ERC2: variants seen among roughly 807,000 people sequenced by gnomAD.
ERC2 encodes ELKS/RAB6-interacting/CAST family member 2, also known as ERC protein 2.
In ERC2, 42 loss-of-function variants were observed where a neutral mutation model predicts 114.8. That is an observed-to-expected ratio of 0.37 (90% CI 0.29 to 0.47). The LOEUF is 0.47. Among genes scored for constraint, ERC2 ranks in the 20% least tolerant of loss-of-function variants. The pLI is 0.99. For synonymous variants in ERC2, 454 were observed against 425.5 expected (o/e 1.07, Z -0.82); for missense variants, 939 against 1,150.7 (o/e 0.82, Z 2.66).
intron 17 of ERC2, among the ~76,000 whole-genome samples, chr3:55,549,774 G>A (rs1040913697): frequency 2.0e-5 from 3 of 152,008 alleles, no homozygotes; most frequent in African/African-American, 7.2e-5. Context: ...TTAATGCACA[G>A]GGCCCTGTCC....
Position 56,460,195 on chromosome 3 carries a change from G to C in ERC2, c.-141+8053C>G, listed in dbSNP as rs76208989. On this transcript the variant is annotated intron_variant, in intron 1 of 17. Coordinates refer to ENST00000288221, the MANE Select transcript of ERC2 (RefSeq NM_015576.3). The stretch of plus-strand genomic sequence containing the variant: ...AAGGCTCGGCCCTGGCTGTGAAAGT[G>C]AGACAGCTTAGAGCTCCTGGTGCTT... 7.1e-4 allele frequency among the ~76,000 whole-genome samples: 108 copies of C among 152,356 alleles called. No individual in the cohort carries two copies. In the East Asian group the frequency reaches 0.018, roughly 25 times the overall value.
intron 17 of ERC2, among the ~76,000 whole-genome samples, chr3:55,524,788 AAGAG>A (rs991489498): frequency 4.6e-5 from 7 of 151,854 alleles, no homozygotes; most frequent in South Asian, 2.1e-4. Flanking sequence ...ACAATGAAAA[AAGAG>A]AGAGAGAGAG....
At chr3:55,627,937 A>T in intron 17 of ERC2, among the ~76,000 whole-genome samples, 1 of 106,232 alleles carries the variant, frequency 9.4e-6, no homozygotes. Flanking sequence ...TATTTTAGCT[A>T]CTGATTTAGT....
chr3:56,047,014 A>G (rs1004089951), intron 7 of ERC2, among the ~76,000 whole-genome samples: 3 of 152,216 alleles, frequency 2.0e-5, no homozygotes, highest in African/African-American at 7.2e-5. Flanking sequence ...CTCATCTGCT[A>G]GCCTGACGCT....
intron 3 of ERC2, among the ~76,000 whole-genome samples, chr3:56,262,167 C>G (rs2052982785): frequency 6.6e-6 from 1 of 152,082 alleles, no homozygotes; most frequent in Admixed American, 6.5e-5. Flanking sequence ...TAGTGCTATT[C>G]TTTGAACTAT....
intron 3 of ERC2, among the ~76,000 whole-genome samples, chr3:56,177,358 C>T (rs1026193096): frequency 1.3e-5 from 2 of 152,180 alleles, no homozygotes; most frequent in African/African-American, 4.8e-5. Flanking sequence ...CCATTATGCA[C>T]TAATCCTAAA....
chr3:56,420,977 T>A (rs568382286), intron 2 of ERC2, among the ~76,000 whole-genome samples: 1 of 152,122 alleles, frequency 6.6e-6, no homozygotes, highest in South Asian at 2.1e-4. Flanking sequence ...CCATCAAGGA[T>A]GCACTCTGAT....
intron 10 of ERC2, among the ~76,000 whole-genome samples, chr3:55,998,536 G>A (rs1352813425): frequency 1.3e-5 from 2 of 152,160 alleles, no homozygotes; most frequent in Non-Finnish European, 1.5e-5. Flanking sequence ...CATGCTATGT[G>A]CATGCCTGGA....
chr3:56,111,976 C>A (rs1177822836), intron 6 of ERC2, among the ~76,000 whole-genome samples: 1 of 152,160 alleles, frequency 6.6e-6, no homozygotes, highest in Admixed American at 6.5e-5. Flanking sequence ...TGTACTAATT[C>A]TCTGTAACTA....
At chr3:55,667,835 T>A (rs1026741430) in intron 17 of ERC2, among the ~76,000 whole-genome samples, 1 of 152,220 alleles carries the variant, frequency 6.6e-6, no homozygotes, top group Non-Finnish European at 1.5e-5. Context: ...GAGCTGGAAT[T>A]GAGAAGTGGG....
chr3:55,814,834 A>G (rs2059850647), intron 14 of ERC2, among the ~76,000 whole-genome samples: 2 of 152,204 alleles, frequency 1.3e-5, no homozygotes, highest in Non-Finnish European at 2.9e-5. Flanking sequence ...ATACCATGCA[A>G]TGACAAAGTC....
intron 2 of ERC2, among the ~76,000 whole-genome samples, chr3:56,389,068 CT>C (rs1239024482): frequency 6.6e-6 from 1 of 151,952 alleles, no homozygotes; most frequent in East Asian, 1.9e-4. Flanking sequence ...AGAACTCTTC[CT>C]GAAATGATGA....
chr3:55,592,905 A>G (rs2057963820), intron 17 of ERC2, among the ~76,000 whole-genome samples: 1 of 152,224 alleles, frequency 6.6e-6, no homozygotes. Context: ...GTTAAAATGC[A>G]CATAGGTATA....
chr3:55,823,079 G>A (rs1438386119), intron 14 of ERC2, among the ~76,000 whole-genome samples: 2 of 152,200 alleles, frequency 1.3e-5, no homozygotes, highest in Non-Finnish European at 2.9e-5. Context: ...AAGACATGAA[G>A]GAGTCATTTG....
intron 4 of ERC2, among the ~76,000 whole-genome samples, chr3:56,160,502 T>A (rs1388329209): frequency 1.3e-5 from 2 of 152,202 alleles, no homozygotes; most frequent in Non-Finnish European, 2.9e-5. Context: ...TTGTCAATTT[T>A]TGGTTTTGTT....
At chr3:55,986,830 C>A (rs897424866) in intron 11 of ERC2, among the ~76,000 whole-genome samples, 1 of 151,606 alleles carries the variant, frequency 6.6e-6, no homozygotes, top group Non-Finnish European at 1.5e-5. Context: ...AAACAAAAAA[C>A]CATATTCATC....
intron 12 of ERC2, among the ~76,000 whole-genome samples, chr3:55,952,553 G>C (rs1349724545): frequency 1.3e-5 from 2 of 152,114 alleles, no homozygotes; most frequent in East Asian, 1.9e-4. Context: ...GCATTTTCCA[G>C]TTCCTTAGGA....
chr3:56,361,816 A>G (rs2058968121), intron 2 of ERC2, among the ~76,000 whole-genome samples: 1 of 152,216 alleles, frequency 6.6e-6, no homozygotes, highest in South Asian at 2.1e-4. Flanking sequence ...TGGGAGATGC[A>G]TCGTAAATCA....
rs778422761 is a variant in ERC2 at position 55,733,462 on chromosome 3, T to TCACA, written c.2712+1308_2712+1309insTGTG. 1.5e-3 allele frequency among the ~76,000 whole-genome samples: 157 copies of TCACA among 101,540 alleles called. 1 individual carries two copies. Among genetic ancestry groups the TCACA allele is most frequent in the African/African-American group, 4.8e-3 (141 of 29,678 alleles). 66.6% of individuals were successfully genotyped at this position (101,540 alleles called of 152,430 possible). Reference sequence around the variant, plus strand: ...CTCTCTGTCTCTCATTCTCTCTCTCTCTCACACACACACACACACACACAT... The same window carrying TCACA: ...CTCTCTGTCTCTCATTCTCTCTCTCTCACACTCACACACACACACACACACACAT... On this transcript the variant is annotated intron_variant, in intron 15 of 17. Transcript: ENST00000288221.
Sources: allele counts gnomAD v4.1 joint callset (sites outside exome capture counted in the v4.1 genomes callset), GRCh38; gene constraint gnomAD v4.1.1; transcripts MANE v1.5; gene names NCBI Gene and HGNC (gene_info 2026-07-23, HGNC 2026-07-21).